Variants in VPS13C observed in about 807,000 individuals in gnomAD.
The protein encoded by VPS13C is intermembrane lipid transfer protein VPS13C.
Under a neutral mutation model 456.8 loss-of-function variants are expected in VPS13C, and 358 were observed. The observed-to-expected ratio is 0.78, with a 90% CI of 0.72 to 0.86. The LOEUF is 0.86. VPS13C is among the 40% of genes least tolerant of loss of function. The pLI is 0.00. For missense variants in VPS13C, 4,818 were observed against 4,385.4 expected, an observed-to-expected ratio of 1.10 and a Z score of -2.79; for synonymous variants, 1,578 against 1,486.7, an observed-to-expected ratio of 1.06 and a Z score of -1.41.
In VPS13C at chr15:61,913,452, T is replaced by C. The variant is rs775391661; in HGVS notation, c.8446-37A>G. The C allele has an allele frequency of 8.5e-6, 13 of 1,526,728 alleles. No individual in the cohort carries two copies. The East Asian group carries it at 2.5e-4, about 29-fold the overall frequency. 94.6% of individuals were successfully genotyped at this position (1,526,728 alleles called of 1,614,324 possible). On this transcript the variant is annotated intron_variant, in intron 61 of 84. Transcript: ENST00000644861. ...AGCACATATCGTCATATAAGAAATCTAAAACACTATAATAATTTTATTTGA... is the reference window on the plus strand; with the variant it reads ...AGCACATATCGTCATATAAGAAATCCAAAACACTATAATAATTTTATTTGA...
chr15:62,042,045 C>A (rs1232374069), intron 2 of VPS13C, among the ~76,000 whole-genome samples: 1 of 152,028 alleles, frequency 6.6e-6, no homozygotes, highest in Non-Finnish European at 1.5e-5. Flanking sequence ...AGTCTTTTTG[C>A]ATAAATTAGT....
At chr15:62,024,141 G>T (rs924246717) in intron 6 of VPS13C, among the ~76,000 whole-genome samples, 17 of 151,860 alleles carry the variant, frequency 1.1e-4, no homozygotes, top group African/African-American at 4.1e-4. Context: ...TAATATTAAT[G>T]ACTTTACAAA....
At position 61,936,752 on chromosome 15, in the gene VPS13C, T is replaced by C. The variant is rs777937352; in HGVS notation, c.5602-2A>G. On this transcript the variant is annotated splice_acceptor_variant, in intron 47 of 84. Coordinates refer to ENST00000644861, the MANE Select transcript of VPS13C (RefSeq NM_020821.3). LOFTEE classifies it high-confidence loss of function. ...CAAGTCATCTTCACTGAGAGCAACC[T>C]AGAAACCACCAATAATTTGTTAACT... 2 of 1,598,594 alleles carry C rather than the reference T, an allele frequency of 1.3e-6. No individual in the cohort carries two copies. Among genetic ancestry groups the C allele is most frequent in the Non-Finnish European group, 1.7e-6 (2 of 1,175,594 alleles).
Position 62,007,416 on chromosome 15 carries a change from T to C in VPS13C, c.1182A>G (p.Ser394=), listed in dbSNP as rs2046890456. Residue 394 remains serine, a synonymous_variant, in exon 15 of 85, where the codon TCA becomes TCG. Coordinates refer to ENST00000644861, the MANE Select transcript of VPS13C (RefSeq NM_020821.3). ...VHIRRYTQMW[S]WSNIKKHRQL... Reference sequence around the variant, plus strand: ...GCCTGTGCTTTTTTATGTTACTCCATGACCACATCTGTGTATACCTTCTTA... The same window carrying C: ...GCCTGTGCTTTTTTATGTTACTCCACGACCACATCTGTGTATACCTTCTTA... The C allele has an allele frequency of 1.2e-6, 2 of 1,613,092 alleles. No homozygotes were observed. The highest frequency in any genetic ancestry group is 2.2e-5 in the South Asian group (2 of 90,826).
chr15:61,937,013 T>C (rs913570134), intron 47 of VPS13C, among the ~76,000 whole-genome samples: 32 of 152,162 alleles, frequency 2.1e-4, no homozygotes, highest in Non-Finnish European at 5.9e-5. Flanking sequence ...TGTCTTCCTG[T>C]TCCTGGACCC....
intron 15 of VPS13C, among the ~76,000 whole-genome samples, chr15:62,007,095 C>T (rs549582629): frequency 2.6e-5 from 4 of 151,964 alleles, no homozygotes; most frequent in East Asian, 1.9e-4. Context: ...TTACAGTAAC[C>T]TTATTTTATC....
At chr15:61,919,031 G>A (rs1273457678) in intron 58 of VPS13C, among the ~76,000 whole-genome samples, 2 of 152,014 alleles carry the variant, frequency 1.3e-5, no homozygotes, top group East Asian at 3.8e-4. Flanking sequence ...TATTAATTTT[G>A]CATTTGTCTT....
intron 28 of VPS13C, among the ~76,000 whole-genome samples, chr15:61,967,741 A>C (rs2045423813): frequency 6.6e-6 from 1 of 152,010 alleles, no homozygotes; most frequent in African/African-American, 2.4e-5. Flanking sequence ...AAATTTAAAT[A>C]ATTTCCTTTT....
At chr15:61,905,046 A>G (rs1013397488) in intron 66 of VPS13C, among the ~76,000 whole-genome samples, 1 of 152,138 alleles carries the variant, frequency 6.6e-6, no homozygotes, top group East Asian at 1.9e-4. Flanking sequence ...AAGGAGTAAC[A>G]TCTTGTTGTG....
At chr15:62,017,387 T>C (rs1292137298) in intron 9 of VPS13C, among the ~76,000 whole-genome samples, 1 of 152,164 alleles carries the variant, frequency 6.6e-6, no homozygotes, top group African/African-American at 2.4e-5. Context: ...TGGTATTGCC[T>C]AGGTTTTCTT....
intron 65 of VPS13C, among the ~76,000 whole-genome samples, chr15:61,908,398 G>A (rs149663645): frequency 0.019 from 2,838 of 151,050 alleles, 28 homozygotes; most frequent in Middle Eastern, 0.031. Flanking sequence ...AAAATTATAC[G>A]ATACTTTAAG....
intron 23 of VPS13C, 69 bp downstream of exon 23, chr15:61,978,557 T>C: frequency 6.5e-7 from 1 of 1,549,748 alleles, no homozygotes; most frequent in Non-Finnish European, 8.7e-7. Flanking sequence ...TAGGCACACA[T>C]ATATACACGT....
At chr15:61,955,699 A>G (rs1202402193) in intron 37 of VPS13C, among the ~76,000 whole-genome samples, 2 of 152,202 alleles carry the variant, frequency 1.3e-5, no homozygotes, top group African/African-American at 4.8e-5. Context: ...AACAAAAAAT[A>G]CTGATCATTT....
At chr15:62,023,734 G>T (rs765458677) in intron 7 of VPS13C, 46 bp downstream of exon 7, 1 of 1,491,244 alleles carries the variant, frequency 6.7e-7, no homozygotes, top group South Asian at 1.2e-5. Flanking sequence ...AAATAAAGTG[G>T]CAATGTGTAT....
chr15:62,010,336 C>T (rs1021593673), intron 13 of VPS13C, 136 bp downstream of exon 13: 2 of 962,352 alleles, frequency 2.1e-6, no homozygotes, highest in Non-Finnish European at 2.8e-6. Flanking sequence ...TTCTTTAAAA[C>T]AAAAATTTTT....
intron 66 of VPS13C, among the ~76,000 whole-genome samples, chr15:61,893,002 G>C (rs1259707576): frequency 6.6e-6 from 1 of 152,146 alleles, no homozygotes; most frequent in East Asian, 1.9e-4. Flanking sequence ...AACCTCAAAA[G>C]AGCAAATCTA....
At chr15:61,914,801 T>A (rs565982698) in intron 61 of VPS13C, among the ~76,000 whole-genome samples, 165 of 138,376 alleles carry the variant, frequency 1.2e-3, no homozygotes, top group African/African-American at 4.1e-3. Flanking sequence ...CCTCAGGTGA[T>A]CCACCAGCCT....
intron 59 of VPS13C, 35 bp from the exon 60 acceptor site, chr15:61,917,670 G>C (rs756220512): frequency 1.9e-6 from 3 of 1,581,466 alleles, no homozygotes; most frequent in Admixed American, 1.8e-5. Context: ...ATAAAGTTTT[G>C]ATCCACAACT....
intron 17 of VPS13C, 105 bp downstream of exon 17, chr15:61,991,568 T>G: frequency 7.6e-7 from 1 of 1,318,350 alleles, no homozygotes; most frequent in Admixed American, 2.5e-5. Flanking sequence ...CTGAGGTAAT[T>G]TATTTCAAAT....
Sources: allele counts gnomAD v4.1 joint callset (sites outside exome capture counted in the v4.1 genomes callset), GRCh38; gene constraint gnomAD v4.1.1; transcripts MANE v1.5; gene names NCBI Gene and HGNC (gene_info 2026-07-23, HGNC 2026-07-21).